The following PDE11A variants were observed in gnomAD, a reference collection of about 807,000 sequenced individuals.
PDE11A encodes the protein phosphodiesterase 11A, also known as dual 3',5'-cyclic-AMP and -GMP phosphodiesterase 11A.
Under a neutral mutation model 100.5 loss-of-function variants are expected in PDE11A, and 100 were observed. The observed-to-expected ratio is 1.00, with a 90% CI of 0.85 to 1.18. The LOEUF (loss-of-function observed/expected upper bound fraction) is 1.18, where lower values mean the gene tolerates loss of function less well. Ranked by LOEUF, PDE11A falls within the 50% of genes most tolerant of loss-of-function variation. PDE11A has a pLI of 0.00. For synonymous variants in PDE11A, 381 were observed against 420.8 expected, an observed-to-expected ratio of 0.91 and a Z score of 1.16; for missense variants, 1,141 against 1,152.6, an observed-to-expected ratio of 0.99 and a Z score of 0.15.
intron 9 of PDE11A, among the ~76,000 whole-genome samples, chr2:177,804,584 A>G (rs2082841537): frequency 6.6e-6 from 1 of 152,012 alleles, no homozygotes; most frequent in Admixed American, 6.6e-5. Context: ...ATATCCCCAA[A>G]AAGAAATAAA....
chr2:178,106,751 G>A (rs892504084), intron 1 of PDE11A, among the ~76,000 whole-genome samples: 1 of 152,092 alleles, frequency 6.6e-6, no homozygotes, highest in African/African-American at 2.4e-5. Context: ...CCTGAGGTCA[G>A]GAGTTCGAGA....
chr2:177,856,476 G>A (rs554912961), intron 5 of PDE11A, among the ~76,000 whole-genome samples: 2 of 152,078 alleles, frequency 1.3e-5, no homozygotes, highest in African/African-American at 2.4e-5. Flanking sequence ...GGACTTACTA[G>A]ACAAAGTATT....
In PDE11A at chr2:177,646,678, A is replaced by C. The variant is rs367817848; in HGVS notation, c.2647-17116T>G. Among the ~76,000 whole-genome samples, 149 of 152,296 alleles carry C rather than the reference A, an allele frequency of 9.8e-4. 3 individuals are homozygous for C. The highest frequency in any genetic ancestry group is 3.5e-3 in the African/African-American group (146 of 41,560). On this transcript the variant is annotated intron_variant, in intron 19 of 19. Transcript: ENST00000286063. ...CTGCAGTGTTGAGGACAATGGTGCA[A>C]CTTTTTTTGTTCTATGTCTCTGATG...
Position 177,785,775 on chromosome 2 carries a change from C to T in PDE11A, c.1738-16402G>A, listed in dbSNP as rs572929642. Among the ~76,000 whole-genome samples the T allele has an allele frequency of 1.9e-3, 284 of 152,328 alleles. 1 individual carries two copies. Among genetic ancestry groups the T allele is most frequent in the African/African-American group, 6.6e-3 (273 of 41,572 alleles). On this transcript the variant is annotated intron_variant, in intron 9 of 19. Coordinates refer to ENST00000286063, the MANE Select transcript of PDE11A (RefSeq NM_016953.4). ...GGAGGGTCCTATGCCCATGGAGTCT[C>T]GCTGATTGCTAGCACAGCAGTCTGA... is the stretch of plus-strand genomic sequence containing the variant.
chr2:177,727,658 G>A lies in PDE11A; in HGVS notation c.2043C>T (p.Thr681=), dbSNP rs952309524. ...NVCQLMFAML[T]TAGFQDILTE... is the part of the protein sequence containing the mutation. ...TTCCACCATCACTAAGCACACTTAC[G>A]GTTAACATCGCGAACATCAGCTGAC... The change falls in exon 12 of 20, where the codon ACC becomes ACT. Residue 681 remains threonine, a splice_region_variant and synonymous_variant. Coordinates refer to ENST00000286063, the MANE Select transcript of PDE11A (RefSeq NM_016953.4). The A allele has an allele frequency of 1.6e-5, 25 of 1,544,896 alleles. No homozygotes were observed. The highest frequency in any genetic ancestry group is 2.2e-5 in the Non-Finnish European group (25 of 1,116,980).
intron 2 of PDE11A, among the ~76,000 whole-genome samples, chr2:177,940,253 T>C (rs1040687883): frequency 6.6e-6 from 1 of 152,238 alleles, no homozygotes; most frequent in Non-Finnish European, 1.5e-5. Context: ...AGATTTTTTT[T>C]CAATATATTA....
intron 6 of PDE11A, among the ~76,000 whole-genome samples, chr2:177,832,557 C>A (rs544816770): frequency 1.9e-3 from 234 of 120,238 alleles, no homozygotes; most frequent in African/African-American, 7.2e-3. Flanking sequence ...TCACATCCAT[C>A]TATCTATCTA....
chr2:177,809,188 T>G (rs749263470), intron 9 of PDE11A, among the ~76,000 whole-genome samples: 9 of 152,174 alleles, frequency 5.9e-5, no homozygotes, highest in Non-Finnish European at 1.0e-4. Flanking sequence ...TGGATAGTGG[T>G]GATGGTTGCA....
intron 1 of PDE11A, among the ~76,000 whole-genome samples, chr2:178,059,168 C>T (rs2086936018): frequency 6.6e-6 from 1 of 152,224 alleles, no homozygotes; most frequent in African/African-American, 2.4e-5. Context: ...TGCCCTAGCT[C>T]CATGAGCCCT....
chr2:177,733,226 C>A (rs1245814027), intron 10 of PDE11A, among the ~76,000 whole-genome samples: 1 of 152,158 alleles, frequency 6.6e-6, no homozygotes, highest in Non-Finnish European at 1.5e-5. Flanking sequence ...AAGAGGAGTG[C>A]CACAATCCAA....
At chr2:177,710,493 T>C (rs2081345229) in intron 13 of PDE11A, among the ~76,000 whole-genome samples, 1 of 151,978 alleles carries the variant, frequency 6.6e-6, no homozygotes, top group Non-Finnish European at 1.5e-5. Flanking sequence ...TCCAGCCAAG[T>C]GGGAGGAATA....
chr2:177,999,344 T>C (rs967626641), intron 2 of PDE11A, among the ~76,000 whole-genome samples: 1 of 152,258 alleles, frequency 6.6e-6, no homozygotes, highest in South Asian at 2.1e-4. Flanking sequence ...TGAAGACTTA[T>C]TCTGATGCCT....
At chr2:177,713,404 G>T (rs564265701) in intron 12 of PDE11A, among the ~76,000 whole-genome samples, 1 of 152,222 alleles carries the variant, frequency 6.6e-6, no homozygotes, top group South Asian at 2.1e-4. Context: ...TTAATAAATT[G>T]GGAGTATGAA....
chr2:177,649,448 G>A lies in PDE11A; in HGVS notation c.2646+14418C>T, dbSNP rs76842446. Among the ~76,000 whole-genome samples the A allele has an allele frequency of 8.5e-3, 1,289 of 152,156 alleles. 23 individuals carry two copies. The highest frequency in any genetic ancestry group is 0.029 in the African/African-American group (1,196 of 41,520). ...ATACTATGCAGCCATCAAAAAGAAT[G>A]AGACATCTTCTGCATGGAGACTGAA... On this transcript the variant is annotated intron_variant, in intron 19 of 19. Transcript: ENST00000286063.
chr2:177,962,056 C>CAAAAAA (rs34148492), intron 2 of PDE11A, among the ~76,000 whole-genome samples: 4 of 66,348 alleles, frequency 6.0e-5, no homozygotes, highest in African/African-American at 1.2e-4. Context: ...GACACTGTCT[C>CAAAAAA]AAAAAAAAAA....
At chr2:177,957,728 T>G (rs1261467413) in intron 2 of PDE11A, among the ~76,000 whole-genome samples, 1 of 152,150 alleles carries the variant, frequency 6.6e-6, no homozygotes, top group Non-Finnish European at 1.5e-5. Context: ...TTCTTTTAAA[T>G]AGTATTCTTT....
chr2:177,845,191 G>A (rs1341707215), intron 5 of PDE11A, among the ~76,000 whole-genome samples: 1 of 150,876 alleles, frequency 6.6e-6, no homozygotes, highest in East Asian at 2.0e-4. Context: ...CCTCCCTCCC[G>A]GACGGGGTGG....
At chr2:178,080,941 A>C (rs1041222955) in intron 2 of PDE11A, among the ~76,000 whole-genome samples, 1 of 152,128 alleles carries the variant, frequency 6.6e-6, no homozygotes, top group African/African-American at 2.4e-5. Flanking sequence ...TATACTGTAC[A>C]AGTTATTCAT....
At chr2:178,061,549 A>T (rs2086969606) in intron 1 of PDE11A, among the ~76,000 whole-genome samples, 1 of 152,204 alleles carries the variant, frequency 6.6e-6, no homozygotes. Flanking sequence ...TCTATGCCAG[A>T]TCCCGTGGTA....
Sources: gnomAD v4.1 joint callset for allele counts (sites outside exome capture counted in the v4.1 genomes callset) on GRCh38, gnomAD v4.1.1 for gene constraint, MANE v1.5 for transcripts, NCBI Gene and HGNC (gene_info 2026-07-23, HGNC 2026-07-21) for gene names.